The following SCMH1 variants were observed in gnomAD, a reference collection of about 807,000 sequenced individuals.
SCMH1 encodes Scm polycomb group protein homolog 1.
A neutral mutation model predicts 70.8 loss-of-function variants in SCMH1; 37 were observed. The observed-to-expected ratio is 0.52, with a 90% CI of 0.40 to 0.69. SCMH1 has a LOEUF of 0.69. SCMH1 is among the 30% of genes least tolerant of loss of function. The probability of loss-of-function intolerance (pLI) is 0.00; values close to 1 mark genes in which losing one functional copy is unlikely to be tolerated. For synonymous variants in SCMH1, 292 were observed against 307.4 expected (o/e 0.95, Z 0.52); for missense variants, 607 against 827.3 (o/e 0.73, Z 3.27).
In SCMH1 at chr1:41,094,460, A is replaced by C. The variant is rs147179625; in HGVS notation, c.745+18823T>G. ...GCTGTGAAAGGGTCTTGGGGATCCC[A>C]AGGATCCAAGGAGTACAGTTTGAGA... On this transcript the variant is annotated intron_variant, in intron 8 of 14. Coordinates refer to ENST00000337495, the Ensembl canonical transcript of SCMH1. Among the ~76,000 whole-genome samples the C allele has an allele frequency of 1.8e-3, 267 of 152,328 alleles. 4 individuals are homozygous for C. Among genetic ancestry groups the C allele is most frequent in the African/African-American group, 6.3e-3 (260 of 41,574 alleles).
In SCMH1 at chr1:41,133,082, G is replaced by A. The variant is rs144374210; in HGVS notation, c.412+9796C>T. On this transcript the variant is annotated intron_variant, in intron 6 of 14. Coordinates refer to ENST00000337495, the Ensembl canonical transcript of SCMH1. ...AGTTTTTTCCCATTCTGTGAAGAAA[G>A]TCAGTGGTAGCTTGATGGGGATAGC... is the stretch of plus-strand genomic sequence containing the variant. Among the ~76,000 whole-genome samples, 971 of 152,278 alleles carry A rather than the reference G, an allele frequency of 6.4e-3. 9 individuals carry two copies. The highest frequency in any genetic ancestry group is 0.021 in the African/African-American group (855 of 41,546).
intron 4 of SCMH1, chr1:41,159,970 T>G: frequency 2.0e-6 from 1 of 500,218 alleles, no homozygotes; most frequent in East Asian, 3.9e-5. Flanking sequence ...TATCCCCATT[T>G]TACAAATAAG....
At chr1:41,147,528 G>A (rs1022411999) in intron 5 of SCMH1, among the ~76,000 whole-genome samples, 1 of 152,116 alleles carries the variant, frequency 6.6e-6, no homozygotes, top group African/African-American at 2.4e-5. Flanking sequence ...ATGTTGGACA[G>A]TATTCTATGT....
rs891547038 is a variant in SCMH1 at position 41,108,010 on chromosome 1, G to A, written c.745+5273C>T. 6.2e-4 allele frequency among the ~76,000 whole-genome samples: 95 copies of A among 152,320 alleles called. 1 individual carries two copies. The highest frequency in any genetic ancestry group is 2.2e-3 in the African/African-American group (90 of 41,574). ...ATTATTACCCTCCAGACCAGTGTAA[G>A]AATCCTGTACGTGAGCCACGATGTT... On this transcript the variant is annotated intron_variant, in intron 8 of 14. Transcript: ENST00000337495.
At chr1:41,122,918 G>C (rs1391111139) in intron 6 of SCMH1, among the ~76,000 whole-genome samples, 1 of 152,154 alleles carries the variant, frequency 6.6e-6, no homozygotes, top group African/African-American at 2.4e-5. Flanking sequence ...GATGAAACTG[G>C]ATTTAAGAGT....
At chr1:41,083,799 C>T (rs1011513019) in intron 8 of SCMH1, among the ~76,000 whole-genome samples, 7 of 150,886 alleles carry the variant, frequency 4.6e-5, no homozygotes, top group Non-Finnish European at 1.0e-4. Context: ...TGGAACAGAA[C>T]AGAGCCCTCA....
At chr1:41,124,234 G>A (rs1672627696) in intron 6 of SCMH1, among the ~76,000 whole-genome samples, 1 of 152,042 alleles carries the variant, frequency 6.6e-6, no homozygotes, top group Admixed American at 6.6e-5. Flanking sequence ...AGTTGGAGAT[G>A]TTACGACACT....
intron 1 of SCMH1, among the ~76,000 whole-genome samples, chr1:41,209,706 G>A (rs1227159901): frequency 6.6e-6 from 1 of 152,204 alleles, no homozygotes; most frequent in Non-Finnish European, 1.5e-5. Context: ...AGGTATTGAT[G>A]GGACATATCT....
chr1:41,140,854 G>A (rs920466705), intron 6 of SCMH1, among the ~76,000 whole-genome samples: 4 of 152,120 alleles, frequency 2.6e-5, no homozygotes, highest in Non-Finnish European at 5.9e-5. Flanking sequence ...AAAAGAGTCA[G>A]GAGACAACTT....
At chr1:41,035,977 C>T (rs1449063303) in intron 13 of SCMH1, among the ~76,000 whole-genome samples, 1 of 152,204 alleles carries the variant, frequency 6.6e-6, no homozygotes, top group East Asian at 1.9e-4. Flanking sequence ...CTCTGTAGTC[C>T]TGGCCACCAC....
chr1:41,202,380 G>A (rs1654570136), intron 1 of SCMH1, among the ~76,000 whole-genome samples: 1 of 151,066 alleles, frequency 6.6e-6, no homozygotes, highest in Non-Finnish European at 1.5e-5. Context: ...AACACAAGAT[G>A]CCTTCCTCAA....
At chr1:41,120,830 C>G (rs969423165) in intron 6 of SCMH1, among the ~76,000 whole-genome samples, 1 of 152,156 alleles carries the variant, frequency 6.6e-6, no homozygotes, top group Non-Finnish European at 1.5e-5. Context: ...CAGGCTGGAA[C>G]CCCAGGACTT....
chr1:41,091,033 C>T (rs1243954607), intron 8 of SCMH1, among the ~76,000 whole-genome samples: 4 of 48,638 alleles, frequency 8.2e-5, no homozygotes, highest in South Asian at 9.4e-4. Flanking sequence ...AGCGAGACTC[C>T]GTGTCAAAAA....
intron 1 of SCMH1, among the ~76,000 whole-genome samples, chr1:41,216,274 A>C (rs1223279787): frequency 6.6e-6 from 1 of 152,244 alleles, no homozygotes; most frequent in East Asian, 1.9e-4. Context: ...GGCACTAAAG[A>C]AAATCCAAAT....
intron 6 of SCMH1, among the ~76,000 whole-genome samples, chr1:41,141,329 A>G (rs1644052733): frequency 6.6e-6 from 1 of 152,250 alleles, no homozygotes. Flanking sequence ...CCTTAGCAGA[A>G]AGACAAAGCT....
intron 1 of SCMH1, among the ~76,000 whole-genome samples, chr1:41,189,156 T>A (rs1326126574): frequency 6.6e-6 from 1 of 152,180 alleles, no homozygotes; most frequent in East Asian, 1.9e-4. Context: ...TTGTTGTTGT[T>A]ACTTTGTTTT....
intron 8 of SCMH1, among the ~76,000 whole-genome samples, chr1:41,078,624 T>C (rs1659077830): frequency 6.6e-6 from 1 of 151,960 alleles, no homozygotes; most frequent in Non-Finnish European, 1.5e-5. Context: ...CAAGAAGAAG[T>C]AGAATAGTAT....
At chr1:41,031,858 A>G (rs1298177574) in intron 13 of SCMH1, among the ~76,000 whole-genome samples, 1 of 152,228 alleles carries the variant, frequency 6.6e-6, no homozygotes, top group East Asian at 1.9e-4. Flanking sequence ...TAGTATATAT[A>G]AATACACACA....
At chr1:41,061,107 G>A (rs909485142) in intron 10 of SCMH1, among the ~76,000 whole-genome samples, 1 of 152,134 alleles carries the variant, frequency 6.6e-6, no homozygotes, top group Non-Finnish European at 1.5e-5. Context: ...CCTCCAAACT[G>A]CCCTTAATCA....
Sources: allele counts gnomAD v4.1 joint callset (sites outside exome capture counted in the v4.1 genomes callset), GRCh38; gene constraint gnomAD v4.1.1; transcripts MANE v1.5; gene names NCBI Gene and HGNC (gene_info 2026-07-23, HGNC 2026-07-21).